The following CHRNE variants were observed in gnomAD, a reference collection of about 807,000 sequenced individuals.
The protein encoded by CHRNE is acetylcholine receptor subunit epsilon.
A neutral mutation model predicts 56.5 loss-of-function variants in CHRNE; 58 were observed. The ratio of observed to expected loss-of-function variants is 1.03; its 90% CI spans 0.83 to 1.28. The LOEUF is 1.28. CHRNE is among the 50% of genes most tolerant of loss of function. The probability of loss-of-function intolerance (pLI) is 0.00; values close to 1 mark genes in which losing one functional copy is unlikely to be tolerated. For synonymous variants in CHRNE, 385 were observed against 297.9 expected (o/e 1.29, Z -3.01); for missense variants, 793 against 688.9 (o/e 1.15, Z -1.69).
Position 4,898,826 on chromosome 17 carries a change from C to G in CHRNE, c.1392G>C (p.Val464=). ...LDNICFWAAL[V]LFSVGSSLIF... ...TGAGGCTGGAGCCCACGCTGAAGAGCACCAGAGCGGCCCAGAAGCAGATGT... is the reference window on the plus strand; with the variant it reads ...TGAGGCTGGAGCCCACGCTGAAGAGGACCAGAGCGGCCCAGAAGCAGATGT... The change falls in exon 12 of 12, where the codon GTG becomes GTC. Residue 464 remains valine (V), a synonymous_variant. Coordinates refer to ENST00000649488, the MANE Select transcript of CHRNE (RefSeq NM_000080.4). 6.2e-7 allele frequency: 1 copy of G among 1,600,064 alleles called. No homozygotes were observed.
chr17:4,902,119 C>G lies in CHRNE; in HGVS notation c.345-32G>C. On this transcript the variant is annotated intron_variant, in intron 4 of 11. Transcript: ENST00000649488. This position sits in a 1 kb window ranked among gnomAD's most constrained non-coding sequence, Gnocchi z 4.0. ...GCTCGGGGAAACCGAGCTTTTTGCA[C>G]AGGTCTGCACCCTCTCAGAGTACCC... 6.2e-7 allele frequency: 1 copy of G among 1,613,872 alleles called. No individual in the cohort carries two copies. The highest frequency in any genetic ancestry group is 8.5e-7 in the Non-Finnish European group (1 of 1,179,938).
chr17:4,901,774 G>A (rs1969994430), intron 5 of CHRNE, 149 bp from the exon 6 acceptor site: 1 of 1,266,684 alleles, frequency 7.9e-7, no homozygotes, highest in Non-Finnish European at 1.1e-6. Context: ...GTTCCCATCT[G>A]TACCTCCGGC....
intron 8 of CHRNE, chr17:4,899,955 TTC>T (rs1371850206): frequency 4.5e-6 from 7 of 1,551,002 alleles, no homozygotes; most frequent in Non-Finnish European, 5.2e-6. Context: ...CAGCCCCCGC[TTC>T]TGTCTTCCCT....
chr17:4,900,065 C>T lies in CHRNE; in HGVS notation c.918-483G>A, dbSNP rs777244840. The T allele has an allele frequency of 7.7e-6, 12 of 1,551,160 alleles. No individual in the cohort carries two copies. The South Asian group carries it at 1.4e-4, about 18-fold the overall frequency. ...CGAACCGAAGATGCAGGGGATGCTG[C>T]CTGCCCCGAAGCCCACCCTGGGGCT... On this transcript the variant is annotated intron_variant, in intron 8 of 11. Transcript: ENST00000649488.
chr17:4,905,424 G>T (rs1344600231), upstream of CHRNE, among the ~76,000 whole-genome samples: 1 of 152,064 alleles, frequency 6.6e-6, no homozygotes, highest in Non-Finnish European at 1.5e-5. Flanking sequence ...TATTAGCCAG[G>T]CATCATGGTG....
At chr17:4,907,339 G>A (rs539828498), upstream of CHRNE, among the ~76,000 whole-genome samples, 7 of 152,042 alleles carry the variant, frequency 4.6e-5, no homozygotes, top group East Asian at 3.9e-4. Context: ...CGAGGCGGGC[G>A]GATCACGAGG....
Position 4,897,991 on chromosome 17 carries a change from C to CCCCCCCCCCCCCT in CHRNE, c.*744_*745insAGGGGGGGGGGGG, listed in dbSNP as rs1555545738. 2.1e-5 allele frequency: 3 copies of CCCCCCCCCCCCCT among 145,852 alleles called. No individual in the cohort carries two copies. Among genetic ancestry groups the CCCCCCCCCCCCCT allele is most frequent in the African/African-American group, 2.5e-5 (1 of 40,238 alleles). 9.0% of individuals were successfully genotyped at this position (145,852 alleles called of 1,614,324 possible). On this transcript the variant is annotated 3_prime_UTR_variant, in exon 12 of 12. Coordinates refer to ENST00000649488, the MANE Select transcript of CHRNE (RefSeq NM_000080.4). ...GCAAGTAACCCTTCTCCCTCCCCCC[C>CCCCCCCCCCCCCT]CACCCCTCCTCAATGTAGTGGCCTT...
intron 6 of CHRNE, 21 bp downstream of exon 6, chr17:4,901,504 C>T: frequency 6.2e-7 from 1 of 1,612,310 alleles, no homozygotes; most frequent in Non-Finnish European, 8.5e-7. Flanking sequence ...GCGGGTTTTT[C>T]TGAGCAGGCA....
In CHRNE at chr17:4,902,529, T is replaced by C; in HGVS notation, c.190-35A>G. The C allele has an allele frequency of 6.2e-7, 1 of 1,614,156 alleles. No homozygotes were observed. The highest frequency in any genetic ancestry group is 8.5e-7 in the Non-Finnish European group (1 of 1,180,024). On this transcript the variant is annotated intron_variant, in intron 2 of 11. Transcript: ENST00000649488. The surrounding 1 kb of genome is among the most constrained non-coding windows in gnomAD (Gnocchi z 4.0). ...GGAGATGGGGATGATTGAAGTGAGATTTCAGGGCCAGAAGTGAGCTTTAGG... is the reference window on the plus strand; with the variant it reads ...GGAGATGGGGATGATTGAAGTGAGACTTCAGGGCCAGAAGTGAGCTTTAGG...
chr17:4,901,025 C>T lies in CHRNE; in HGVS notation c.767G>A (p.Gly256Asp), dbSNP rs1969966617. The part of the protein sequence containing the change: ...NIIVPCVLIS[G>D]LVLLAYFLPA... ...CAGGAAGTAGGCGAGCAGCACCAGG[C>T]CCGAGATGAGCACACAGGGCACGAT... Residue 256 changes from glycine to aspartate, a missense_variant, in exon 7 of 12, where the codon GGC (glycine) becomes GAC (aspartate). Gly to Asp is a moderately conservative substitution (Grantham distance 94, BLOSUM62 -1). Transcript: ENST00000649488. 1 of 1,613,894 alleles carries T rather than the reference C, an allele frequency of 6.2e-7. No homozygotes were observed. Among genetic ancestry groups the T allele is most frequent in the Admixed American group, 1.7e-5 (1 of 60,012 alleles).
intron 8 of CHRNE, chr17:4,900,237 ATCT>A: frequency 6.5e-7 from 1 of 1,547,402 alleles, no homozygotes; most frequent in Non-Finnish European, 8.7e-7. Flanking sequence ...CCCAATGCAG[ATCT>A]CAGCCCTGTG....
rs149892066 is a variant in CHRNE at position 4,898,905 on chromosome 17, G to A, written c.1327-14C>T. Reference sequence around the variant, plus strand: ...GTCGGACACTTCCTGGGGAAGGGTCGGCACAGTCAGTAAAGAGGCAGCTGC... The same window carrying A: ...GTCGGACACTTCCTGGGGAAGGGTCAGCACAGTCAGTAAAGAGGCAGCTGC... On this transcript the variant is annotated splice_polypyrimidine_tract_variant and intron_variant, in intron 11 of 11. Transcript: ENST00000649488. The A allele has an allele frequency of 1.0e-5, 16 of 1,572,146 alleles. No individual in the cohort carries two copies. Among genetic ancestry groups the A allele is most frequent in the Non-Finnish European group, 1.3e-5 (15 of 1,159,082 alleles).
At chr17:4,900,040 C>A (rs1237793808) in intron 8 of CHRNE, 16 of 1,551,344 alleles carry the variant, frequency 1.0e-5, no homozygotes, top group Non-Finnish European at 1.3e-5. Context: ...TGGAGCCACC[C>A]GAACCGAAGA....
intron 1 of CHRNE, among the ~76,000 whole-genome samples, chr17:4,908,171 A>AAAT (rs1304890322): frequency 2.6e-5 from 4 of 152,098 alleles, no homozygotes; most frequent in East Asian, 1.9e-4. Context: ...CTCTGTCTCA[A>AAAT]AATAATAATA....
upstream of CHRNE, among the ~76,000 whole-genome samples, chr17:4,907,888 A>C (rs919201659): frequency 6.6e-6 from 1 of 151,932 alleles, no homozygotes; most frequent in Non-Finnish European, 1.5e-5. Flanking sequence ...CTAAAAATAG[A>C]AAACTTAGTC....
upstream of CHRNE, among the ~76,000 whole-genome samples, chr17:4,907,292 G>C (rs1033966735): frequency 6.6e-6 from 1 of 152,178 alleles, no homozygotes; most frequent in South Asian, 2.1e-4. Context: ...GGCCGGGCGC[G>C]GGGGCTCACG....
rs755764652 is a variant in CHRNE at position 4,898,698 on chromosome 17, C to A, written c.*38G>T. On this transcript the variant is annotated 3_prime_UTR_variant, in exon 12 of 12. Coordinates refer to ENST00000649488, the MANE Select transcript of CHRNE (RefSeq NM_000080.4). ...CAGCCTACTTTTTCAAAATCAATTTCCTACTGGAGATGGGTGGGAAATTGA... is the reference window on the plus strand; with the variant it reads ...CAGCCTACTTTTTCAAAATCAATTTACTACTGGAGATGGGTGGGAAATTGA... 4 of 1,594,890 alleles carry A rather than the reference C, an allele frequency of 2.5e-6. No individual in the cohort carries two copies. The African/African-American group carries it at 4.0e-5, about 16-fold the overall frequency.
rs1969804334 is a variant in CHRNE at position 4,898,518 on chromosome 17, G to T, written c.*218C>A. 2 of 614,958 alleles carry T rather than the reference G, an allele frequency of 3.3e-6. No individual in the cohort carries two copies. Among genetic ancestry groups the T allele is most frequent in the Non-Finnish European group, 5.7e-6 (2 of 350,230 alleles). 38.1% of individuals were successfully genotyped at this position (614,958 alleles called of 1,614,324 possible). A position where few individuals can be genotyped will look rare whatever the true frequency, so the allele number is the denominator to read the frequency against. ...GCAGTCCTTGCTTTCTGGAAGACTG[G>T]CACCTGAGAGCCTATGTGAACCCTT... On this transcript the variant is annotated 3_prime_UTR_variant, in exon 12 of 12. Transcript: ENST00000649488.
upstream of CHRNE, among the ~76,000 whole-genome samples, chr17:4,905,997 C>G (rs572060163): frequency 5.1e-4 from 78 of 152,358 alleles, no homozygotes; most frequent in African/African-American, 1.7e-3. Flanking sequence ...TGTCCGCTCT[C>G]TGCTCCTCTC....
Sources: gnomAD v4.1 joint callset for allele counts (sites outside exome capture counted in the v4.1 genomes callset) on GRCh38, gnomAD v4.1.1 for gene constraint, Gnocchi (gnomAD v3.1) non-coding constraint, MANE v1.5 for transcripts, NCBI Gene and HGNC (gene_info 2026-07-23, HGNC 2026-07-21) for gene names.